The following KMT2D variants were observed in gnomAD, a reference collection of about 807,000 sequenced individuals.
The protein encoded by KMT2D is lysine methyltransferase 2D.
In KMT2D, 55 loss-of-function variants were observed where a neutral mutation model predicts 512.7. The ratio of observed to expected loss-of-function variants is 0.11; its 90% confidence interval spans 0.09 to 0.13. KMT2D has a LOEUF of 0.13. Among genes scored for constraint, KMT2D ranks in the 10% least tolerant of loss-of-function variants. The pLI is 1.00. For missense variants in KMT2D, 6,061 were observed against 7,127.9 expected, an observed-to-expected ratio of 0.85 and a Z score of 5.39; for synonymous variants, 2,995 against 2,904.0, an observed-to-expected ratio of 1.03 and a Z score of -1.01.
In KMT2D at chr12:49,019,667, C is replaced by G. The variant is rs1190539628; in HGVS notation, c.*2113G>C. 2.2e-5 allele frequency: 5 copies of G among 231,538 alleles called. No homozygotes were observed. The highest frequency in any genetic ancestry group is 1.7e-4 in the Admixed American group (3 of 17,716). The allele number at this position is 231,538 out of a possible 1,614,324, so 14.3% of individuals were successfully genotyped here. On this transcript the variant is annotated 3_prime_UTR_variant, in exon 55 of 55. Coordinates refer to ENST00000301067, the MANE Select transcript of KMT2D (RefSeq NM_003482.4). ...CTTCTGCTCTCGGAAAAGGAACATC[C>G]AAGGGCTGTGGCTTTGAGGGCAGCA...
chr12:49,035,393 A>G (rs1223865293), intron 35 of KMT2D, among the ~76,000 whole-genome samples: 2 of 152,180 alleles, frequency 1.3e-5, no homozygotes, highest in Non-Finnish European at 2.9e-5. Context: ...TAGATTCCAG[A>G]GCTGTTTTGG....
chr12:49,049,598 G>C (rs931764171), intron 12 of KMT2D, 84 bp downstream of exon 12: 1 of 1,401,982 alleles, frequency 7.1e-7, no homozygotes, highest in African/African-American at 1.4e-5. Context: ...CACAAAGCAA[G>C]GTGGGAAAGT....
Position 49,041,618 on chromosome 12 carries a change from C to T in KMT2D, c.6234+37G>A, listed in dbSNP as rs1407997304. The stretch of plus-strand genomic sequence containing the variant: ...CTCCACCCTCAAGAGAGGCCACCCA[C>T]TAGAGGACTGCTACACCCCAGCCCA... On this transcript the variant is annotated intron_variant, in intron 31 of 54. Transcript: ENST00000301067. The surrounding 1 kb of genome is among the most constrained non-coding windows in gnomAD (Gnocchi z 5.4). 1.9e-6 allele frequency: 3 copies of T among 1,613,294 alleles called. No individual in the cohort carries two copies. In the African/African-American group the frequency reaches 4.0e-5, roughly 22 times the overall value.
intron 1 of KMT2D, among the ~76,000 whole-genome samples, chr12:49,057,195 C>T (rs1729261628): frequency 6.6e-6 from 1 of 152,180 alleles, no homozygotes; most frequent in African/African-American, 2.4e-5. Context: ...TCATTCAAGG[C>T]CTGGCCACAC....
chr12:49,036,983 T>C lies in KMT2D; in HGVS notation c.10231+142A>G, dbSNP rs550831235. The C allele has an allele frequency of 3.8e-6, 4 of 1,057,326 alleles. No individual in the cohort carries two copies. The Admixed American group carries it at 1.2e-4, about 33-fold the overall frequency. 65.5% of individuals were successfully genotyped at this position (1,057,326 alleles called of 1,614,324 possible). A position where few individuals can be genotyped will look rare whatever the true frequency, so the allele number is the denominator to read the frequency against. ...TCTTAAAAGCTACAGTGTTTCTGCCTCTACCACTAGTATGATATTTAGCCA... is the reference window on the plus strand; with the variant it reads ...TCTTAAAAGCTACAGTGTTTCTGCCCCTACCACTAGTATGATATTTAGCCA... On this transcript the variant is annotated intron_variant, in intron 35 of 54. Coordinates refer to ENST00000301067, the MANE Select transcript of KMT2D (RefSeq NM_003482.4).
At chr12:49,043,041 C>T in intron 26 of KMT2D, 35 bp downstream of exon 26, 15 of 1,589,936 alleles carry the variant, frequency 9.4e-6, no homozygotes, top group East Asian at 2.2e-5. Flanking sequence ...CATAGAAAAC[C>T]CTTATACACA....
rs1361373219 is a variant in KMT2D, at chr12:49,019,423, A to C, written c.*2357T>G. On this transcript the variant is annotated 3_prime_UTR_variant, in exon 55 of 55. Coordinates refer to ENST00000301067, the MANE Select transcript of KMT2D (RefSeq NM_003482.4). ...TATACAGGCAGGGTACTTAAAAAAAAAACCAACCAAAATTCCAACCTTGTA... is the reference window on the plus strand; with the variant it reads ...TATACAGGCAGGGTACTTAAAAAAACAACCAACCAAAATTCCAACCTTGTA... 4.5e-6 allele frequency: 1 copy of C among 223,056 alleles called. No homozygotes were observed. Among genetic ancestry groups the C allele is most frequent in the Admixed American group, 5.8e-5 (1 of 17,374 alleles). The allele number at this position is 223,056 out of a possible 1,614,324, so 13.8% of individuals were successfully genotyped here.
Position 49,026,258 on chromosome 12 carries a change from G to A in KMT2D, c.15708C>T (p.Asn5236=), listed in dbSNP as rs368627880. The A allele has an allele frequency of 1.2e-5, 20 of 1,606,674 alleles. No homozygotes were observed. Among genetic ancestry groups the A allele is most frequent in the South Asian group, 9.9e-5 (9 of 90,994 alleles). ...CTTTGATTACAAACTCCGGCCGCCC[G>A]TTGTTCTCACCAATAGAACAGCGAT... ...CCYRCSIGEN[N]GRPEFVIKVI... Residue 5236 remains asparagine, a synonymous_variant, in exon 49 of 55, where the codon AAC becomes AAT. Transcript: ENST00000301067. The surrounding 1 kb of genome is among the most constrained non-coding windows in gnomAD (Gnocchi z 9.6).
chr12:49,032,844 TGCTGTTGCTGCTGTTGAA>T lies in KMT2D; in HGVS notation c.11843_11860del (p.Leu3948_Gln3953del), dbSNP rs762810380. ...TTGTTGTTGCTGTTGCTGTTGTAGC[TGCTGTTGCTGCTGTTGAA>T]GCTGTTGCTGCTGCTGTTGTTGAAG... On this transcript the variant is annotated inframe_deletion, in exon 40 of 55. Transcript: ENST00000301067. 6.5e-5 allele frequency: 100 copies of T among 1,550,128 alleles called. No homozygotes were observed. Among genetic ancestry groups the T allele is most frequent in the Middle Eastern group, 2.0e-4 (1 of 5,060 alleles).
rs2120445080 is a variant in KMT2D, at chr12:49,033,673, C to A, written c.11032G>T (p.Ala3678Ser). Residue 3678 changes from alanine (A) to serine (S), a missense_variant, in exon 40 of 55, where the codon GCC becomes TCC. By Grantham distance (99) the Ala-to-Ser change is moderately conservative (BLOSUM62 1). Around this residue, in one of 16 missense-constraint regions of KMT2D, gnomAD observed 1,600 missense variants for 1,754.9 expected, o/e 0.91. Coordinates refer to ENST00000301067, the MANE Select transcript of KMT2D (RefSeq NM_003482.4). ...GAATGTTGCTGTTGCTGCTGTTGGGCCAGAGCTGTATTAAGGAAGGGGCCA... is the reference window on the plus strand; with the variant it reads ...GAATGTTGCTGTTGCTGCTGTTGGGACAGAGCTGTATTAAGGAAGGGGCCA... ...PGGPFLNTAL[A>S]QQQQQQHSGG... is the part of the protein sequence containing the mutation. 1 of 1,613,674 alleles carries A rather than the reference C, an allele frequency of 6.2e-7. No individual in the cohort carries two copies. The highest frequency in any genetic ancestry group is 1.3e-5 in the African/African-American group (1 of 75,016).
intron 1 of KMT2D, 126 bp downstream of exon 1, chr12:49,059,487 A>G (rs1298734366): frequency 2.0e-5 from 3 of 152,500 alleles, no homozygotes; most frequent in Non-Finnish European, 4.4e-5. Context: ...GACCCTGCCA[A>G]AGGAACGCTC....
intron 6 of KMT2D, 45 bp downstream of exon 6, chr12:49,053,933 T>C (rs1045869354): frequency 1.3e-6 from 2 of 1,591,200 alleles, no homozygotes; most frequent in African/African-American, 2.7e-5. Context: ...CCAAGGCACA[T>C]TTGGTCTCTC....
Position 49,041,163 on chromosome 12 carries a change from T to C in KMT2D, c.6607A>G (p.Thr2203Ala), listed in dbSNP as rs1943505364. The C allele has an allele frequency of 1.3e-5, 20 of 1,520,136 alleles. No homozygotes were observed. Among genetic ancestry groups the C allele is most frequent in the Non-Finnish European group, 1.8e-5 (20 of 1,137,400 alleles). 94.2% of individuals were successfully genotyped at this position (1,520,136 alleles called of 1,614,324 possible). A position where few individuals can be genotyped will look rare whatever the true frequency, so the allele number is the denominator to read the frequency against. ...ATCGGGGGCTGCGCAGGGGCCCCCG[T>C]AGGACTAGGATAGGGGGGATAGGTG... ...PPTYPPYPSP[T>A]GAPAQPPMLG... The change falls in exon 32 of 55, where the codon ACG becomes GCG. Residue 2203 changes from threonine (T) to alanine (A), a missense_variant. By Grantham distance (58) the Thr-to-Ala change is moderately conservative. This residue lies in a region of KMT2D where 710 missense variants were observed against 647.3 expected (regional missense o/e 1.10). Coordinates refer to ENST00000301067, the MANE Select transcript of KMT2D (RefSeq NM_003482.4). This position sits in a 1 kb window ranked among gnomAD's most constrained non-coding sequence, Gnocchi z 5.4.
chr12:49,057,381 T>TGC (rs1244118049), intron 1 of KMT2D, among the ~76,000 whole-genome samples: 3 of 152,202 alleles, frequency 2.0e-5, no homozygotes, highest in African/African-American at 7.2e-5. Flanking sequence ...GGAGGAGGGC[T>TGC]GCCTCACACA....
rs769271092 is a variant in KMT2D, at chr12:49,055,026, G to A, written c.50C>T (p.Ala17Val). 1.2e-6 allele frequency: 2 copies of A among 1,613,802 alleles called. No individual in the cohort carries two copies. The highest frequency in any genetic ancestry group is 2.2e-5 in the South Asian group (2 of 91,060). The part of the protein sequence containing the change: ...AGEDKDSEPA[A>V]DGPAASEDPS... ...GTCCTCAGAAGCTGCAGGTCCATCA[G>A]CTGAATAAACAGACAAACAGCATGT... Residue 17 changes from alanine to valine, a missense_variant and splice_region_variant, in exon 3 of 55, where the codon GCT becomes GTT. Coordinates refer to ENST00000301067, the MANE Select transcript of KMT2D (RefSeq NM_003482.4).
Position 49,034,658 on chromosome 12 carries a change from A to G in KMT2D, c.10364T>C (p.Val3455Ala), listed in dbSNP as rs1438341830. The G allele has an allele frequency of 1.1e-5, 18 of 1,613,330 alleles. No individual in the cohort carries two copies. Among genetic ancestry groups the G allele is most frequent in the Non-Finnish European group, 1.5e-5 (18 of 1,179,638 alleles). ...GVAPGMNRQQ[V>A]SLLAQRLSGG... is the part of the protein sequence containing the mutation. The stretch of plus-strand genomic sequence containing the variant: ...CGAGAGCCTCTGGGCTAGCAGAGAC[A>G]CTTGCTGTCTGGAGTCCACCAAAGC... Residue 3455 changes from valine (V) to alanine (A), a missense_variant, in exon 37 of 55, where the codon GTG becomes GCG. Val to Ala is a moderately conservative substitution (Grantham distance 64, BLOSUM62 0). Coordinates refer to ENST00000301067, the MANE Select transcript of KMT2D (RefSeq NM_003482.4).
rs1237753577 is a variant in KMT2D at position 49,043,206 on chromosome 12, C to A, written c.5534-20G>T. 6.2e-7 allele frequency: 1 copy of A among 1,607,274 alleles called. No individual in the cohort carries two copies. The highest frequency in any genetic ancestry group is 2.2e-5 in the East Asian group (1 of 44,842). ...CAGGTCCTGTAAATGCCAGGAGAAA[C>A]CCATGGGTCAAGGCCAGGATGGGTC... On this transcript the variant is annotated intron_variant, in intron 25 of 54. Transcript: ENST00000301067.
rs772963605 is a variant in KMT2D at position 49,034,928 on chromosome 12, G to A, written c.10239C>T (p.Asp3413=). 3 of 1,614,004 alleles carry A rather than the reference G, an allele frequency of 1.9e-6. No individual in the cohort carries two copies. Among genetic ancestry groups the A allele is most frequent in the Non-Finnish European group, 2.5e-6 (3 of 1,179,894 alleles). ...CAATGATATCTTCTGCAGCAAATTT[G>A]TCCAGGTCTGGAGAGGGGAGAACCA... is the stretch of plus-strand genomic sequence containing the variant. ...ANSFFPDTDL[D]KFAAEDIIDP... is the part of the protein sequence containing the mutation. The change falls in exon 36 of 55, where the codon GAC becomes GAT. Residue 3413 remains aspartate, a synonymous_variant. Transcript: ENST00000301067.
rs1281138364 is a variant in KMT2D at position 49,040,325 on chromosome 12, C to T, written c.7445G>A (p.Gly2482Glu). Residue 2482 changes from glycine to glutamate, a missense_variant, in exon 32 of 55, where the codon GGG becomes GAG. Physicochemically the swap from Gly to Glu is moderately conservative, Grantham distance 98. Coordinates refer to ENST00000301067, the MANE Select transcript of KMT2D (RefSeq NM_003482.4). ...CCCCAGCGAAGTGTGGGCTAGAGAC[C>T]CAGCCTTAAAGGCAACTTCAGGGGG... ...PQPPEVAFKA[G>E]SLAHTSLGAG... The T allele has an allele frequency of 1.3e-6, 2 of 1,575,642 alleles. No homozygotes were observed. Among genetic ancestry groups the T allele is most frequent in the Non-Finnish European group, 1.7e-6 (2 of 1,160,644 alleles).
Sources: allele counts gnomAD v4.1 joint callset (sites outside exome capture counted in the v4.1 genomes callset), GRCh38; gene constraint gnomAD v4.1.1; regional missense constraint gnomAD v4.1.1; non-coding constraint Gnocchi (gnomAD v3.1); transcripts MANE v1.5; gene names NCBI Gene and HGNC (gene_info 2026-07-23, HGNC 2026-07-21).